STK17A: variants seen among roughly 807,000 people sequenced by gnomAD.
STK17A encodes the protein serine/threonine-protein kinase 17A.
A neutral mutation model predicts 43.7 loss-of-function variants in STK17A; 26 were observed. That is an observed-to-expected ratio of 0.60 (90% CI 0.44 to 0.83). The LOEUF (loss-of-function observed/expected upper bound fraction) is 0.83, where lower values mean the gene tolerates loss of function less well. Ranked by LOEUF, STK17A falls within the 40% of genes least tolerant of loss-of-function variation. The pLI is 0.00. For missense variants in STK17A, 476 were observed against 511.6 expected, an observed-to-expected ratio of 0.93 and a Z score of 0.67; for synonymous variants, 191 against 182.5, an observed-to-expected ratio of 1.05 and a Z score of -0.38.
intron 1 of STK17A, among the ~76,000 whole-genome samples, chr7:43,585,687 AC>A (rs2082433881): frequency 6.6e-6 from 1 of 151,588 alleles, no homozygotes. Context: ...CTTGGCTCTT[AC>A]TAGTTATGTG....
chr7:43,589,319 T>C (rs1468237600), intron 1 of STK17A, among the ~76,000 whole-genome samples: 2 of 151,478 alleles, frequency 1.3e-5, no homozygotes, highest in Non-Finnish European at 3.0e-5. Context: ...CAAGTTGTAA[T>C]ATATAAGATT....
rs373572126 is a variant in STK17A, at chr7:43,586,568, CAA to C, written c.206+3120_206+3121del. ...TTAATGATTTCGTTACTGGGGCACACAAGAGAAATGACCTTGGGTTCTGATAA... is the reference window on the plus strand; with the variant it reads ...TTAATGATTTCGTTACTGGGGCACACGAGAAATGACCTTGGGTTCTGATAA... On this transcript the variant is annotated intron_variant, in intron 1 of 6. Transcript: ENST00000319357. Among the ~76,000 whole-genome samples the C allele has an allele frequency of 4.1e-4, 62 of 151,524 alleles. 1 individual carries two copies. Among genetic ancestry groups the C allele is most frequent in the African/African-American group, 1.1e-3 (47 of 41,460 alleles).
Position 43,623,759 on chromosome 7 carries a change from T to C in STK17A, c.791T>C (p.Leu264Ser). 6.2e-7 allele frequency: 1 copy of C among 1,607,748 alleles called. No homozygotes were observed. Among genetic ancestry groups the C allele is most frequent in the Non-Finnish European group, 8.5e-7 (1 of 1,177,924 alleles). Residue 264 changes from leucine (L) to serine (S), a missense_variant, in exon 6 of 7, where the codon TTA becomes TCA. By Grantham distance (145) the Leu-to-Ser change is moderately radical (BLOSUM62 -2). Coordinates refer to ENST00000319357, the MANE Select transcript of STK17A (RefSeq NM_004760.3). The stretch of plus-strand genomic sequence containing the variant: ...ATGCTTACAGGAATATCACCTTTCT[T>C]AGGCAATGATAAACAAGAAACATTC... Reference protein sequence around the residue: ...YVMLTGISPFLGNDKQETFLN... With the variant: ...YVMLTGISPFSGNDKQETFLN...
intron 2 of STK17A, among the ~76,000 whole-genome samples, chr7:43,602,017 C>A (rs2082559080): frequency 6.6e-6 from 1 of 152,132 alleles, no homozygotes; most frequent in African/African-American, 2.4e-5. Context: ...ATCAGACACA[C>A]ACTCCCCAAG....
chr7:43,592,740 C>T (rs2152970805), intron 1 of STK17A, among the ~76,000 whole-genome samples: 1 of 150,668 alleles, frequency 6.6e-6, no homozygotes, highest in South Asian at 2.1e-4. Flanking sequence ...ATGGTATGTG[C>T]TTGTAATTCC....
chr7:43,605,648 C>T (rs763451244), intron 2 of STK17A, among the ~76,000 whole-genome samples: 32 of 151,886 alleles, frequency 2.1e-4, no homozygotes, highest in Non-Finnish European at 3.5e-4. Context: ...CTTAGCATGG[C>T]TGCTGCATTC....
chr7:43,612,684 A>G (rs776684613), intron 3 of STK17A, among the ~76,000 whole-genome samples: 2 of 152,314 alleles, frequency 1.3e-5, no homozygotes, highest in South Asian at 4.1e-4. Flanking sequence ...TATTAAGGAT[A>G]TAATTGACGC....
chr7:43,622,460 C>A (rs1176399901), intron 4 of STK17A: 1 of 151,762 alleles, frequency 6.6e-6, no homozygotes, highest in Non-Finnish European at 1.5e-5. Flanking sequence ...ATTGTAATTA[C>A]CACAGTTTTT....
In STK17A at chr7:43,595,882, T is replaced by C; in HGVS notation, c.207-19T>C. 1 of 1,608,808 alleles carries C rather than the reference T, an allele frequency of 6.2e-7. No homozygotes were observed. Among genetic ancestry groups the C allele is most frequent in the Non-Finnish European group, 8.5e-7 (1 of 1,177,210 alleles). ...GAAAGTTGTCAACTTTAACAGTGAA[T>C]GTTTTTGTTTAATTCTAGGGGGAAA... On this transcript the variant is annotated intron_variant, in intron 1 of 6. Coordinates refer to ENST00000319357, the MANE Select transcript of STK17A (RefSeq NM_004760.3).
Position 43,627,095 on chromosome 7 carries a change from G to T in STK17A, c.*2253G>T, listed in dbSNP as rs1583876219. ...TTATAAAGGACTAAACAGTACTATT[G>T]AGTTTACTCGGTTTATAAATCCAGT... On this transcript the variant is annotated 3_prime_UTR_variant, in exon 7 of 7. Coordinates refer to ENST00000319357, the MANE Select transcript of STK17A (RefSeq NM_004760.3). 6.6e-6 allele frequency among the ~76,000 whole-genome samples: 1 copy of T among 152,220 alleles called. No homozygotes were observed. Among genetic ancestry groups the T allele is most frequent in the East Asian group, 1.9e-4 (1 of 5,190 alleles).
chr7:43,612,946 C>G lies in STK17A; in HGVS notation c.564+4546C>G, dbSNP rs1220968994. 2.6e-5 allele frequency among the ~76,000 whole-genome samples: 4 copies of G among 152,164 alleles called. No homozygotes were observed. The East Asian group carries it at 7.7e-4, about 29-fold the overall frequency. ...AATATATAAAATGTTGCAGAAATTG[C>G]AAATCTGAGAAACAACAACCCTGGC... is the stretch of plus-strand genomic sequence containing the variant. On this transcript the variant is annotated intron_variant, in intron 3 of 6. Transcript: ENST00000319357.
At chr7:43,620,668 C>T (rs368442950) in intron 4 of STK17A, among the ~76,000 whole-genome samples, 1,850 of 119,200 alleles carry the variant, frequency 0.016, 31 homozygotes, top group African/African-American at 0.049. Context: ...AGTGAGACTC[C>T]GTCTCAAAAA....
In STK17A at chr7:43,609,667, A is replaced by G. The variant is rs189436649; in HGVS notation, c.564+1267A>G. The G allele has an allele frequency of 2.0e-3, 308 of 152,354 alleles. 1 individual carries two copies. Among genetic ancestry groups the G allele is most frequent in the African/African-American group, 6.8e-3 (282 of 41,584 alleles). The allele number at this position is 152,354 out of a possible 1,614,324, so 9.4% of individuals were successfully genotyped here. A position where few individuals can be genotyped will look rare whatever the true frequency, so the allele number is the denominator to read the frequency against. ...CTGTGGGGAAATGAAACATTCCTCAAACACAGAACATGCCACAGCAACCCT... is the reference window on the plus strand; with the variant it reads ...CTGTGGGGAAATGAAACATTCCTCAGACACAGAACATGCCACAGCAACCCT... On this transcript the variant is annotated intron_variant, in intron 3 of 6. Coordinates refer to ENST00000319357, the MANE Select transcript of STK17A (RefSeq NM_004760.3).
chr7:43,591,860 G>A (rs1563143472), intron 1 of STK17A, among the ~76,000 whole-genome samples: 1 of 151,558 alleles, frequency 6.6e-6, no homozygotes, highest in Non-Finnish European at 1.5e-5. Flanking sequence ...TCTGTTTGCT[G>A]AATTAGCTGT....
chr7:43,616,962 A>C (rs1375019745), intron 3 of STK17A, among the ~76,000 whole-genome samples: 1 of 152,182 alleles, frequency 6.6e-6, no homozygotes, highest in Non-Finnish European at 1.5e-5. Context: ...CATCTATGGA[A>C]ATTGTTGTAA....
At chr7:43,607,688 A>G (rs1199489369) in intron 2 of STK17A, among the ~76,000 whole-genome samples, 3 of 149,682 alleles carry the variant, frequency 2.0e-5, no homozygotes, top group Non-Finnish European at 4.4e-5. Flanking sequence ...GGGTAACTTT[A>G]TAGTGTAAAG....
chr7:43,597,177 T>A (rs1056673724), intron 2 of STK17A, among the ~76,000 whole-genome samples: 2 of 152,176 alleles, frequency 1.3e-5, no homozygotes, highest in Non-Finnish European at 2.9e-5. Flanking sequence ...CCTCCCAGTT[T>A]ACAAAGGGTT....
At chr7:43,617,414 A>G (rs1429822475) in intron 3 of STK17A, among the ~76,000 whole-genome samples, 1 of 152,248 alleles carries the variant, frequency 6.6e-6, no homozygotes. Flanking sequence ...GGAGAGAAAT[A>G]GGCAAAGTCT....
chr7:43,599,101 A>G (rs2082539942), intron 2 of STK17A, among the ~76,000 whole-genome samples: 1 of 152,220 alleles, frequency 6.6e-6, no homozygotes, highest in African/African-American at 2.4e-5. Flanking sequence ...ACATTGTGAT[A>G]ATATATTTTG....
Sources: gnomAD v4.1 joint callset for allele counts (sites outside exome capture counted in the v4.1 genomes callset) on GRCh38, gnomAD v4.1.1 for gene constraint, MANE v1.5 for transcripts, NCBI Gene and HGNC (gene_info 2026-07-23, HGNC 2026-07-21) for gene names.